The following RASGRP3 variants were observed in gnomAD, a reference collection of about 807,000 sequenced individuals.
RASGRP3 encodes RAS guanyl releasing protein 3.
Under a neutral mutation model 82.7 loss-of-function variants are expected in RASGRP3, and 54 were observed. The ratio of observed to expected loss-of-function variants is 0.65; its 90% CI spans 0.52 to 0.82. The LOEUF is 0.82. RASGRP3 is among the 40% of genes least tolerant of loss of function. RASGRP3 has a pLI of 0.00. For missense variants in RASGRP3, 861 were observed against 828.9 expected (o/e 1.04, Z -0.48); for synonymous variants, 309 against 300.5 (o/e 1.03, Z -0.29).
At chr2:33,515,830 T>A (rs138505504) in intron 3 of RASGRP3, among the ~76,000 whole-genome samples, 20 of 152,350 alleles carry the variant, frequency 1.3e-4, no homozygotes, top group African/African-American at 4.6e-4. Context: ...TAGTTATTTA[T>A]TAAATTGATT....
chr2:33,539,320 G>A (rs1455982433), intron 12 of RASGRP3, 110 bp downstream of exon 12: 1 of 878,302 alleles, frequency 1.1e-6, no homozygotes, highest in African/African-American at 1.7e-5. Flanking sequence ...CAACCCTCTG[G>A]CAGGTAGGAA....
upstream of RASGRP3, among the ~76,000 whole-genome samples, chr2:33,473,132 G>A (rs2150919865): frequency 6.6e-6 from 1 of 152,276 alleles, no homozygotes; most frequent in Admixed American, 6.5e-5. Flanking sequence ...GGAGGCCAAG[G>A]TGGGCAGATC....
At chr2:33,495,224 A>G (rs1245103059) in intron 1 of RASGRP3, among the ~76,000 whole-genome samples, 1 of 152,200 alleles carries the variant, frequency 6.6e-6, no homozygotes, top group African/African-American at 2.4e-5. Context: ...GGCACAAGGG[A>G]CAGATTTCGT....
intron 11 of RASGRP3, among the ~76,000 whole-genome samples, chr2:33,537,010 T>G (rs1172044079): frequency 6.6e-6 from 1 of 152,028 alleles, no homozygotes; most frequent in Non-Finnish European, 1.5e-5. Flanking sequence ...CACCCTACCT[T>G]CTTGGTACCT....
At position 33,522,163 on chromosome 2, in the gene RASGRP3, G is replaced by A. The variant is rs2151024367; in HGVS notation, c.516+61G>A. On this transcript the variant is annotated intron_variant, in intron 7 of 17. Coordinates refer to ENST00000403687, the MANE Select transcript of RASGRP3 (RefSeq NM_001139488.2). Reference sequence around the variant, plus strand: ...AACCACCATGCCAACTTTCCCAAGAGCTGCATTTTCATACTCTGAAGTGTT... The same window carrying A: ...AACCACCATGCCAACTTTCCCAAGAACTGCATTTTCATACTCTGAAGTGTT... The A allele has an allele frequency of 3.9e-6, 6 of 1,537,604 alleles. No homozygotes were observed. In the South Asian group the frequency reaches 7.6e-5, roughly 19 times the overall value.
chr2:33,444,541 A>G (rs1665403007), intron 1 of RASGRP3, among the ~76,000 whole-genome samples: 1 of 152,228 alleles, frequency 6.6e-6, no homozygotes, highest in South Asian at 2.1e-4. Context: ...AAATCTAAAC[A>G]GAAGAGCTAC....
chr2:33,466,365 G>A (rs193300895), intron 2 of RASGRP3, among the ~76,000 whole-genome samples: 167 of 152,284 alleles, frequency 1.1e-3, no homozygotes, highest in African/African-American at 3.8e-3. Flanking sequence ...CCTCATGGAC[G>A]ACTTTGAGGG....
At chr2:33,444,158 TAG>T (rs1665380862) in intron 1 of RASGRP3, among the ~76,000 whole-genome samples, 1 of 151,842 alleles carries the variant, frequency 6.6e-6, no homozygotes, top group Non-Finnish European at 1.5e-5. Flanking sequence ...TTTTAAACAT[TAG>T]CTGGGCATGG....
intron 1 of RASGRP3, among the ~76,000 whole-genome samples, chr2:33,446,245 G>A (rs1197686257): frequency 6.6e-6 from 1 of 152,138 alleles, no homozygotes; most frequent in Non-Finnish European, 1.5e-5. Context: ...TGCAAGCTCC[G>A]CCCCTTGGGT....
At chr2:33,441,520 G>C (rs1449004245) in intron 1 of RASGRP3, among the ~76,000 whole-genome samples, 4 of 152,194 alleles carry the variant, frequency 2.6e-5, no homozygotes, top group African/African-American at 9.7e-5. Flanking sequence ...GCAAATTCAA[G>C]AAGGCTAGTT....
At chr2:33,556,856 G>C (rs13406103) in intron 15 of RASGRP3, among the ~76,000 whole-genome samples, 20,600 of 145,136 alleles carry the variant, frequency 0.14, 1,960 homozygotes, top group Admixed American at 0.18. Flanking sequence ...TGAGTCATTA[G>C]TTTTATTCTG....
intron 2 of RASGRP3, among the ~76,000 whole-genome samples, chr2:33,468,305 T>C (rs749832247): frequency 6.6e-6 from 1 of 151,994 alleles, no homozygotes; most frequent in Non-Finnish European, 1.5e-5. Flanking sequence ...TATTCACATA[T>C]TTTCTTAGAA....
intron 14 of RASGRP3, 57 bp from the exon 15 acceptor site, chr2:33,555,474 G>T (rs1675845214): frequency 1.3e-6 from 2 of 1,484,576 alleles, no homozygotes; most frequent in Non-Finnish European, 1.9e-6. Flanking sequence ...CAGTGGCCTT[G>T]TTTTCCTTCC....
intron 15 of RASGRP3, 122 bp from the exon 16 acceptor site, chr2:33,558,089 C>T: frequency 3.0e-6 from 4 of 1,327,646 alleles, no homozygotes; most frequent in Non-Finnish European, 4.1e-6. Flanking sequence ...CTGAGCTCAA[C>T]TCTGAAATTC....
At chr2:33,514,418 T>C (rs1005632787) in intron 2 of RASGRP3, among the ~76,000 whole-genome samples, 9 of 142,906 alleles carry the variant, frequency 6.3e-5, no homozygotes, top group Non-Finnish European at 3.0e-5. Context: ...CCTGTAGTCC[T>C]AGCACTTTGA....
At chr2:33,535,021 A>G (rs1574448034) in intron 11 of RASGRP3, among the ~76,000 whole-genome samples, 1 of 152,194 alleles carries the variant, frequency 6.6e-6, no homozygotes, top group Non-Finnish European at 1.5e-5. Flanking sequence ...AAAGGAAAGG[A>G]GTAATAACTC....
intron 12 of RASGRP3, among the ~76,000 whole-genome samples, chr2:33,540,563 TGTG>T (rs1558506471): frequency 0.012 from 338 of 27,384 alleles, 12 homozygotes; most frequent in African/African-American, 0.053. Context: ...GTTTTGTGTG[TGTG>T]TGTGTGTGTG....
rs377213456 is a variant in RASGRP3 at position 33,558,708 on chromosome 2, C to A, written c.1742C>A (p.Ala581Asp). Reference sequence around the variant, plus strand: ...GTGTTTGAGTTCCCTGGAGTCACTGCTGGACACAGGGATTTAGACAGCAGA... The same window carrying A: ...GTGTTTGAGTTCCCTGGAGTCACTGATGGACACAGGGATTTAGACAGCAGA... ...DEVFEFPGVT[A>D]GHRDLDSRAI... The change falls in exon 17 of 18, where the codon GCT becomes GAT. Residue 581 changes from alanine (A) to aspartate (D), a missense_variant. Coordinates refer to ENST00000403687, the MANE Select transcript of RASGRP3 (RefSeq NM_001139488.2). The A allele has an allele frequency of 1.9e-6, 3 of 1,612,730 alleles. No individual in the cohort carries two copies. In the South Asian group the frequency reaches 3.3e-5, roughly 18 times the overall value.
chr2:33,542,525 AC>A, intron 12 of RASGRP3, among the ~76,000 whole-genome samples: 1 of 147,288 alleles, frequency 6.8e-6, no homozygotes, highest in South Asian at 2.2e-4. Context: ...TTGAGATAAC[AC>A]CTTAAAACTT....
Sources: allele counts gnomAD v4.1 joint callset (sites outside exome capture counted in the v4.1 genomes callset), GRCh38; gene constraint gnomAD v4.1.1; transcripts MANE v1.5; gene names NCBI Gene and HGNC (gene_info 2026-07-23, HGNC 2026-07-21).